SLC26A4: variants seen among roughly 807,000 people sequenced by gnomAD.
SLC26A4 encodes solute carrier family 26 member 4.
Under a neutral mutation model 90.4 loss-of-function variants are expected in SLC26A4, and 93 were observed. That is an observed-to-expected ratio of 1.03 (90% CI 0.87 to 1.22). SLC26A4 has a LOEUF of 1.22. SLC26A4 is among the 50% of genes most tolerant of loss of function. SLC26A4 has a pLI of 0.00. For synonymous variants in SLC26A4, 393 were observed against 354.6 expected (o/e 1.11, Z -1.22); for missense variants, 1,127 against 946.2 (o/e 1.19, Z -2.51).
chr7:107,694,430 GTGA>G lies in SLC26A4; in HGVS notation c.1296_1298del (p.Met432del). The G allele has an allele frequency of 6.2e-7, 1 of 1,613,692 alleles. No individual in the cohort carries two copies. Among genetic ancestry groups the G allele is most frequent in the African/African-American group, 1.3e-5 (1 of 75,036 alleles). On this transcript the variant is annotated inframe_deletion, in exon 11 of 21. Transcript: ENST00000644269. ...TGCTGGCATCATCTCTGCTGCGATT[GTGA>G]TGATCGCCATTCTTGCCCTGGGGAA...
chr7:107,714,607 G>A (rs1792290145), intron 20 of SLC26A4, among the ~76,000 whole-genome samples: 1 of 152,020 alleles, frequency 6.6e-6, no homozygotes, highest in Admixed American at 6.6e-5. Context: ...TATATTATAG[G>A]ATATTTATTG....
At chr7:107,688,907 A>G in intron 8 of SLC26A4, 146 bp from the exon 9 acceptor site, 4 of 761,270 alleles carry the variant, frequency 5.3e-6, no homozygotes, top group Non-Finnish European at 8.9e-6. Context: ...TGCTACTATC[A>G]TGTATGTATT....
chr7:107,712,261 G>T (rs539808645), intron 19 of SLC26A4, among the ~76,000 whole-genome samples: 1 of 152,318 alleles, frequency 6.6e-6, no homozygotes, highest in Non-Finnish European at 1.5e-5. Context: ...TTTAGGCAGA[G>T]GGGGTGACTT....
intron 10 of SLC26A4, chr7:107,692,879 T>G (rs141891255): frequency 1.3e-5 from 2 of 152,316 alleles, no homozygotes; most frequent in African/African-American, 4.8e-5. Context: ...AATTTTAATA[T>G]AGTGGCCAAA....
intron 20 of SLC26A4, 96 bp from the exon 21 acceptor site, chr7:107,715,327 C>A (rs1792318548): frequency 1.1e-6 from 1 of 933,828 alleles, no homozygotes; most frequent in Non-Finnish European, 1.8e-6. Context: ...TAGCAGTAAG[C>A]AATCAATACT....
chr7:107,693,084 T>G (rs886738195), intron 10 of SLC26A4: 2 of 154,724 alleles, frequency 1.3e-5, no homozygotes, highest in Non-Finnish European at 2.8e-5. Context: ...AGTAATTGCA[T>G]GCAAGGAAGG....
At chr7:107,689,283 TAAAG>T in intron 9 of SLC26A4, 83 bp downstream of exon 9, 1 of 1,439,448 alleles carries the variant, frequency 6.9e-7, no homozygotes, top group South Asian at 1.2e-5. Context: ...TGGTGTCAGC[TAAAG>T]AAGGGGTTGG....
chr7:107,680,697 C>G (rs573430893), intron 6 of SLC26A4, among the ~76,000 whole-genome samples: 1 of 151,778 alleles, frequency 6.6e-6, no homozygotes, highest in Non-Finnish European at 1.5e-5. Flanking sequence ...TTTTGAACCT[C>G]GTGTTACATT....
intron 10 of SLC26A4, chr7:107,693,382 C>G (rs1791633161): frequency 3.0e-6 from 3 of 985,202 alleles, no homozygotes; most frequent in Non-Finnish European, 3.6e-6. Context: ...GATCAATTTG[C>G]CAGGTAGAGC....
intron 10 of SLC26A4, among the ~76,000 whole-genome samples, chr7:107,690,729 A>C: frequency 6.6e-6 from 1 of 152,144 alleles, no homozygotes. Flanking sequence ...TTTTGTTGTA[A>C]CATTTTTGGC....
Position 107,716,735 on chromosome 7 carries a change from C to G in SLC26A4, c.*1289C>G, listed in dbSNP as rs1792355825. The G allele has an allele frequency of 6.6e-6, 1 of 152,022 alleles. No homozygotes were observed. Among genetic ancestry groups the G allele is most frequent in the Non-Finnish European group, 1.5e-5 (1 of 68,012 alleles). The allele number at this position is 152,022 out of a possible 1,614,324, so 9.4% of individuals were successfully genotyped here. A position where few individuals can be genotyped will look rare whatever the true frequency, so the allele number is the denominator to read the frequency against. On this transcript the variant is annotated 3_prime_UTR_variant, in exon 21 of 21. Transcript: ENST00000644269. ...CTAGAGAAAAGTTATACCCAGGTCC[C>G]CAATTGAGAATGTCTTGCTTGATTG...
At chr7:107,697,918 T>C in intron 13 of SLC26A4, 124 bp from the exon 14 acceptor site, 1 of 712,920 alleles carries the variant, frequency 1.4e-6, no homozygotes, top group Non-Finnish European at 2.6e-6. Flanking sequence ...GAAAATGTCA[T>C]CTGCAATAAA....
chr7:107,710,259 G>C, intron 19 of SLC26A4, 60 bp downstream of exon 19: 1 of 1,238,580 alleles, frequency 8.1e-7, no homozygotes, highest in Non-Finnish European at 1.2e-6. Context: ...TTCTATAAAT[G>C]GCAAACATTA....
chr7:107,663,833 G>A (rs1159050626), intron 3 of SLC26A4, among the ~76,000 whole-genome samples: 2 of 152,080 alleles, frequency 1.3e-5, no homozygotes, highest in African/African-American at 2.4e-5. Context: ...ACAGGCGCCC[G>A]CCACTACGCC....
chr7:107,697,909 A>G (rs892470353), intron 13 of SLC26A4, 133 bp from the exon 14 acceptor site: 18 of 698,706 alleles, frequency 2.6e-5, no homozygotes, highest in Non-Finnish European at 4.7e-5. Flanking sequence ...TAGCTACAGG[A>G]AAATGTCATC....
chr7:107,701,472 A>G (rs1791883922), intron 16 of SLC26A4, among the ~76,000 whole-genome samples: 1 of 152,238 alleles, frequency 6.6e-6, no homozygotes, highest in Non-Finnish European at 1.5e-5. Flanking sequence ...TTTTACTGAA[A>G]GGAACAAAAT....
chr7:107,661,908 G>A lies in SLC26A4; in HGVS notation c.164+103G>A. On this transcript the variant is annotated intron_variant, in intron 2 of 20. Transcript: ENST00000644269. This position sits in a 1 kb window ranked among gnomAD's most constrained non-coding sequence, Gnocchi z 5.1. ...GGGCGAGAGTGGGGTGCGGGCGGCG[G>A]AGCCCCTGGGCGCCAGCTGCTTCTC... 1 of 1,309,432 alleles carries A rather than the reference G, an allele frequency of 7.6e-7. No individual in the cohort carries two copies. The highest frequency in any genetic ancestry group is 1.5e-5 in the South Asian group (1 of 67,270). 81.1% of individuals were successfully genotyped at this position (1,309,432 alleles called of 1,614,324 possible).
At chr7:107,680,213 C>A (rs1403438772) in intron 6 of SLC26A4, among the ~76,000 whole-genome samples, 1 of 112,504 alleles carries the variant, frequency 8.9e-6, no homozygotes, top group African/African-American at 3.5e-5. Flanking sequence ...ATAATATAAT[C>A]TTATAATATA....
chr7:107,663,933 T>C (rs190566650), intron 3 of SLC26A4, among the ~76,000 whole-genome samples: 67 of 152,308 alleles, frequency 4.4e-4, no homozygotes, highest in South Asian at 2.1e-3. Flanking sequence ...TCCGCCTGCC[T>C]TGGCCTCCCA....
Sources: allele counts gnomAD v4.1 joint callset (sites outside exome capture counted in the v4.1 genomes callset), GRCh38; gene constraint gnomAD v4.1.1; non-coding constraint Gnocchi (gnomAD v3.1); transcripts MANE v1.5; gene names NCBI Gene and HGNC (gene_info 2026-07-23, HGNC 2026-07-21).